TRAPPC12: variants seen among roughly 807,000 people sequenced by gnomAD.
TRAPPC12 encodes TPR repeat protein 15.
A neutral mutation model predicts 69.2 loss-of-function variants in TRAPPC12; 61 were observed. The observed-to-expected ratio is 0.88, with a 90% confidence interval of 0.72 to 1.09. The LOEUF is 1.09. TRAPPC12 is among the 50% of genes least tolerant of loss of function. The pLI, the probability that TRAPPC12 is intolerant of heterozygous loss-of-function variation, is 0.00. For synonymous variants in TRAPPC12, 469 were observed against 438.9 expected, an observed-to-expected ratio of 1.07 and a Z score of -0.86; for missense variants, 1,101 against 1,016.4, an observed-to-expected ratio of 1.08 and a Z score of -1.13.
At chr2:3,453,866 T>C (rs759598768) in intron 6 of TRAPPC12, among the ~76,000 whole-genome samples, 109 of 152,348 alleles carry the variant, frequency 7.2e-4, no homozygotes, top group Non-Finnish European at 1.4e-3. Flanking sequence ...TGTAAATTAA[T>C]GTACTGTTAC....
chr2:3,434,584 G>A (rs4971498), intron 5 of TRAPPC12, among the ~76,000 whole-genome samples: 19,356 of 152,164 alleles, frequency 0.13, 1,348 homozygotes, highest in Middle Eastern at 0.28. Flanking sequence ...GAACCTGGCC[G>A]GCTTGGGTCA....
chr2:3,411,121 G>T (rs1223168349), intron 3 of TRAPPC12, among the ~76,000 whole-genome samples: 1 of 152,220 alleles, frequency 6.6e-6, no homozygotes, highest in African/African-American at 2.4e-5. Flanking sequence ...CATATCTACT[G>T]TATCAAAATC....
intron 3 of TRAPPC12, among the ~76,000 whole-genome samples, chr2:3,410,184 C>T (rs998521712): frequency 6.6e-6 from 1 of 152,188 alleles, no homozygotes; most frequent in African/African-American, 2.4e-5. Context: ...CAGTAAATTG[C>T]TCACTCTAAT....
intron 4 of TRAPPC12, among the ~76,000 whole-genome samples, chr2:3,424,053 G>A (rs1267682143): frequency 6.6e-6 from 1 of 152,002 alleles, no homozygotes; most frequent in Non-Finnish European, 1.5e-5. Context: ...TCCTGCTCCC[G>A]TTCCCGCCGT....
chr2:3,399,241 G>T (rs1661288424), intron 2 of TRAPPC12, among the ~76,000 whole-genome samples: 1 of 152,172 alleles, frequency 6.6e-6, no homozygotes, highest in Non-Finnish European at 1.5e-5. Flanking sequence ...AATGTTGTGG[G>T]GATGGAGGAG....
chr2:3,408,929 C>T (rs1314503121), intron 3 of TRAPPC12, among the ~76,000 whole-genome samples: 1 of 152,220 alleles, frequency 6.6e-6, no homozygotes, highest in Non-Finnish European at 1.5e-5. Context: ...CACCTGTTCC[C>T]ACACACGCTC....
intron 6 of TRAPPC12, among the ~76,000 whole-genome samples, chr2:3,447,098 GA>G: frequency 8.0e-6 from 1 of 124,592 alleles, no homozygotes; most frequent in African/African-American, 3.1e-5. Flanking sequence ...GAGGCCTCAG[GA>G]AGCTTTTTTT....
chr2:3,382,895 C>T (rs773914366), intron 1 of TRAPPC12, among the ~76,000 whole-genome samples: 11 of 152,124 alleles, frequency 7.2e-5, no homozygotes, highest in African/African-American at 1.2e-4. Context: ...ATTGCACTCC[C>T]GCCAGGGTGA....
intron 2 of TRAPPC12, among the ~76,000 whole-genome samples, chr2:3,400,691 G>GA (rs1661390757): frequency 6.6e-6 from 1 of 152,176 alleles, no homozygotes; most frequent in African/African-American, 2.4e-5. Context: ...TGCAGCCACC[G>GA]AAACAGCACT....
chr2:3,446,842 C>T lies in TRAPPC12; in HGVS notation c.1530+2951C>T, dbSNP rs139235130. Among the ~76,000 whole-genome samples, 56 of 152,312 alleles carry T rather than the reference C, an allele frequency of 3.7e-4. No individual in the cohort carries two copies. In the East Asian group the frequency reaches 8.9e-3, roughly 24 times the overall value. On this transcript the variant is annotated intron_variant, in intron 6 of 11. Transcript: ENST00000324266. ...CTCAGTGAGTTTACAGTTTGGTAGA[C>T]GATGCTTGTTTCACCTGTTCCTTTT...
chr2:3,459,935 T>G, intron 7 of TRAPPC12: 1 of 414,938 alleles, frequency 2.4e-6, no homozygotes. Context: ...TTCTGTCAGC[T>G]TTGCTCCTTT....
At chr2:3,416,027 A>G (rs1662371464) in intron 3 of TRAPPC12, among the ~76,000 whole-genome samples, 1 of 152,106 alleles carries the variant, frequency 6.6e-6, no homozygotes, top group Non-Finnish European at 1.5e-5. Context: ...ACTTACTTTC[A>G]TCTCAAGATA....
At chr2:3,464,368 G>A (rs562424138) in intron 8 of TRAPPC12, among the ~76,000 whole-genome samples, 2 of 151,122 alleles carry the variant, frequency 1.3e-5, no homozygotes, top group Non-Finnish European at 2.9e-5. Flanking sequence ...AGTCGTTTTG[G>A]GTTTTTTTTG....
chr2:3,412,490 G>A (rs1490667639), intron 3 of TRAPPC12, among the ~76,000 whole-genome samples: 1 of 152,188 alleles, frequency 6.6e-6, no homozygotes, highest in East Asian at 1.9e-4. Flanking sequence ...GAACCCAGGT[G>A]GCTGAGGTTG....
At position 3,464,785 on chromosome 2, in the gene TRAPPC12, C is replaced by T. The variant is rs1665715698; in HGVS notation, c.1678-812C>T. On this transcript the variant is annotated intron_variant, in intron 8 of 11. Transcript: ENST00000324266. ...CGTTGCTCACACCTGGAAAGGGTGA[C>T]TGGGTCCGCTCAGCGTCCAGCAAGT... Among the ~76,000 whole-genome samples, 4 of 152,266 alleles carry T rather than the reference C, an allele frequency of 2.6e-5. No individual in the cohort carries two copies. In the South Asian group the frequency reaches 8.3e-4, roughly 31 times the overall value.
chr2:3,466,934 C>T (rs779760229), intron 9 of TRAPPC12, among the ~76,000 whole-genome samples: 27 of 152,204 alleles, frequency 1.8e-4, no homozygotes, highest in Non-Finnish European at 3.1e-4. Context: ...TAAAATAGTA[C>T]GCTGGGCCTG....
At chr2:3,428,808 C>T (rs190962779) in intron 5 of TRAPPC12, among the ~76,000 whole-genome samples, 3 of 152,294 alleles carry the variant, frequency 2.0e-5, no homozygotes, top group Admixed American at 1.3e-4. Context: ...CCCGCGCCCC[C>T]GGAGCTGAGG....
At chr2:3,415,863 C>A (rs987496685) in intron 3 of TRAPPC12, among the ~76,000 whole-genome samples, 1 of 152,034 alleles carries the variant, frequency 6.6e-6, no homozygotes, top group Admixed American at 6.6e-5. Flanking sequence ...ACTGCAGGCG[C>A]CCACCACCAC....
chr2:3,399,899 C>T (rs994386625), intron 2 of TRAPPC12, among the ~76,000 whole-genome samples: 3 of 151,516 alleles, frequency 2.0e-5, no homozygotes, highest in African/African-American at 7.3e-5. Flanking sequence ...GCAGGGGGCA[C>T]GCAGGCTTCT....
Sources: gnomAD v4.1 joint callset for allele counts (sites outside exome capture counted in the v4.1 genomes callset) on GRCh38, gnomAD v4.1.1 for gene constraint, MANE v1.5 for transcripts, NCBI Gene and HGNC (gene_info 2026-07-23, HGNC 2026-07-21) for gene names.